KHDRBS1: variants seen among roughly 807,000 people sequenced by gnomAD.
The protein encoded by KHDRBS1 is KH RNA binding domain containing, signal transduction associated 1, also known as KH domain-containing, RNA-binding, signal transduction-associated protein 1.
KHDRBS1 carries 7 observed loss-of-function variants against 48.4 expected under a neutral mutation model. The ratio of observed to expected loss-of-function variants is 0.14; its 90% CI spans 0.08 to 0.27. KHDRBS1 has a LOEUF of 0.27. KHDRBS1 is among the 10% of genes least tolerant of loss of function. The probability of loss-of-function intolerance (pLI) is 1.00; values close to 1 mark genes in which losing one functional copy is unlikely to be tolerated. For synonymous variants in KHDRBS1, 241 were observed against 235.8 expected (o/e 1.02, Z -0.20); for missense variants, 458 against 601.2 (o/e 0.76, Z 2.49).
intron 6 of KHDRBS1, 108 bp downstream of exon 6, chr1:32,038,144 G>C: frequency 6.6e-7 from 1 of 1,505,160 alleles, no homozygotes; most frequent in East Asian, 2.4e-5. Context: ...CTGCCTGTAA[G>C]ATTTGCAATC....
At chr1:32,017,641 T>C (rs111729405) in intron 1 of KHDRBS1, among the ~76,000 whole-genome samples, 4,405 of 145,800 alleles carry the variant, frequency 0.03, 245 homozygotes, top group African/African-American at 0.11. Flanking sequence ...GAGTTGCACT[T>C]TTGTTGCCCA....
chr1:32,060,276 C>T (rs1157913857), exon 11 of KHDRBS1: 1 of 152,242 alleles, frequency 6.6e-6, no homozygotes, highest in African/African-American at 2.4e-5. Flanking sequence ...TTCTTTCACT[C>T]TACTTGATCT....
At chr1:32,015,402 A>T (rs945099614) in intron 1 of KHDRBS1, among the ~76,000 whole-genome samples, 2 of 152,148 alleles carry the variant, frequency 1.3e-5, no homozygotes, top group African/African-American at 4.8e-5. Flanking sequence ...CACATCCTTC[A>T]ACACTGAATG....
chr1:32,031,286 A>G (rs1237872369), intron 2 of KHDRBS1, among the ~76,000 whole-genome samples: 1 of 152,156 alleles, frequency 6.6e-6, no homozygotes, highest in African/African-American at 2.4e-5. Context: ...GTCTTAATGT[A>G]TTATGGAAGA....
intron 1 of KHDRBS1, among the ~76,000 whole-genome samples, chr1:32,024,917 A>T (rs1415329915): frequency 6.6e-6 from 1 of 151,040 alleles, no homozygotes; most frequent in African/African-American, 2.4e-5. Flanking sequence ...GTGAACTATG[A>T]TGGTGTCACT....
intron 8 of KHDRBS1, among the ~76,000 whole-genome samples, chr1:32,040,556 A>C (rs1218898174): frequency 6.6e-6 from 1 of 152,250 alleles, no homozygotes; most frequent in Non-Finnish European, 1.5e-5. Context: ...TGGAGGCTGC[A>C]ACAGCAGCAG....
chr1:32,057,011 A>G (rs771954724), intron 10 of KHDRBS1, among the ~76,000 whole-genome samples: 4 of 152,304 alleles, frequency 2.6e-5, no homozygotes, highest in South Asian at 2.1e-4. Context: ...ACAGGGTGCA[A>G]TGAGGGTATA....
downstream of KHDRBS1, among the ~76,000 whole-genome samples, chr1:32,047,459 A>G (rs1042765556): frequency 6.6e-6 from 1 of 152,182 alleles, no homozygotes; most frequent in South Asian, 2.1e-4. Flanking sequence ...GTACCCGGCC[A>G]GCCTGTGAAC....
intron 8 of KHDRBS1, among the ~76,000 whole-genome samples, chr1:32,041,767 T>A (rs1185050826): frequency 6.6e-6 from 1 of 152,002 alleles, no homozygotes; most frequent in Non-Finnish European, 1.5e-5. Context: ...TTTTTGTATT[T>A]TTAGTAGAGA....
chr1:32,020,227 T>G (rs1306098192), intron 1 of KHDRBS1, among the ~76,000 whole-genome samples: 1 of 150,816 alleles, frequency 6.6e-6, no homozygotes, highest in Non-Finnish European at 1.5e-5. Flanking sequence ...TACAGAAAAT[T>G]TAAAAATTAG....
chr1:32,057,626 C>T (rs1277906971), intron 10 of KHDRBS1, among the ~76,000 whole-genome samples: 4 of 150,644 alleles, frequency 2.7e-5, no homozygotes, highest in South Asian at 2.1e-4. Flanking sequence ...CAGTGAAACC[C>T]GTCTCTACTA....
chr1:32,019,876 G>C (rs952955650), intron 1 of KHDRBS1, among the ~76,000 whole-genome samples: 1 of 152,100 alleles, frequency 6.6e-6, no homozygotes, highest in Admixed American at 6.5e-5. Flanking sequence ...GTTTCAAGCA[G>C]TTCTCCTGCC....
rs1489868262 is a variant in KHDRBS1 at position 32,038,592 on chromosome 1, A to G, written c.1148A>G (p.Tyr383Cys). The stretch of plus-strand genomic sequence containing the variant: ...TACGCAGAACAAAGTTACGAAGGCT[A>G]CGAAGGCTATTACAGCCAGAGTCAA... ...DTYAEQSYEGYEGYYSQSQGD... is the reference protein window; with the variant it reads ...DTYAEQSYEGCEGYYSQSQGD... Residue 383 changes from tyrosine (Y) to cysteine (C), a missense_variant, in exon 7 of 9, where the codon TAC becomes TGC. This residue lies in a region of KHDRBS1 where 171 missense variants were observed against 228.7 expected (regional missense o/e 0.75). Transcript: ENST00000327300. 2 of 1,614,056 alleles carry G rather than the reference A, an allele frequency of 1.2e-6. No individual in the cohort carries two copies. Among genetic ancestry groups the G allele is most frequent in the South Asian group, 1.1e-5 (1 of 91,078 alleles).
At position 32,013,927 on chromosome 1, in the gene KHDRBS1, C is replaced by T; in HGVS notation, c.-69C>T. 1 of 1,338,982 alleles carries T rather than the reference C, an allele frequency of 7.5e-7. No homozygotes were observed. Among genetic ancestry groups the T allele is most frequent in the Non-Finnish European group, 9.6e-7 (1 of 1,044,826 alleles). The allele number at this position is 1,338,982 out of a possible 1,614,324, so 82.9% of individuals were successfully genotyped here. A position where few individuals can be genotyped will look rare whatever the true frequency, so the allele number is the denominator to read the frequency against. ...TACCGCTCCCGCTCTGCCACCCCCG[C>T]CAACCGCCGCTCGGGCCTCCGTCGC... On this transcript the variant is annotated 5_prime_UTR_variant, in exon 1 of 9. Coordinates refer to ENST00000327300, the MANE Select transcript of KHDRBS1 (RefSeq NM_006559.3).
At chr1:32,049,011 A>G (rs1299903896) in intron 10 of KHDRBS1, among the ~76,000 whole-genome samples, 6 of 151,552 alleles carry the variant, frequency 4.0e-5, no homozygotes, top group Non-Finnish European at 4.4e-5. Context: ...AAATTATACA[A>G]TAAGTGGTCT....
chr1:32,029,735 T>C (rs191674854), intron 1 of KHDRBS1, among the ~76,000 whole-genome samples: 5 of 152,326 alleles, frequency 3.3e-5, no homozygotes, highest in Admixed American at 2.0e-4. Flanking sequence ...ACGGTAACGA[T>C]ATATTAAGTA....
chr1:32,047,473 T>C (rs1271910336), downstream of KHDRBS1, among the ~76,000 whole-genome samples: 1 of 152,204 alleles, frequency 6.6e-6, no homozygotes, highest in African/African-American at 2.4e-5. Context: ...TGTGAACTTT[T>C]ATTACAATTC....
chr1:32,050,434 A>C (rs1266986260), intron 10 of KHDRBS1, among the ~76,000 whole-genome samples: 2 of 152,028 alleles, frequency 1.3e-5, no homozygotes, highest in South Asian at 4.2e-4. Flanking sequence ...GTAATAAACT[A>C]TTGTCTCATT....
In KHDRBS1 at chr1:32,014,258, C is replaced by T. The variant is rs1557886956; in HGVS notation, c.263C>T (p.Pro88Leu). Reference protein sequence around the residue: ...VGGPAPTPLLPPSATASVKME... With the variant: ...VGGPAPTPLLLPSATASVKME... ...GGGCCAGCGCCGACCCCGCTGCTGC[C>T]CCCCTCGGCCACAGCCTCGGTCAAG... The change falls in exon 1 of 9, where the codon CCC becomes CTC. Residue 88 changes from proline (P) to leucine (L), a missense_variant. Around this residue, in one of 3 missense-constraint regions of KHDRBS1, gnomAD observed 213 missense variants for 215.6 expected, o/e 0.99. Transcript: ENST00000327300. 2 of 1,540,958 alleles carry T rather than the reference C, an allele frequency of 1.3e-6. No homozygotes were observed. Among genetic ancestry groups the T allele is most frequent in the South Asian group, 1.2e-5 (1 of 82,776 alleles).
Sources: gnomAD v4.1 joint callset for allele counts (sites outside exome capture counted in the v4.1 genomes callset) on GRCh38, gnomAD v4.1.1 for gene constraint, gnomAD v4.1.1 regional missense constraint, MANE v1.5 for transcripts, NCBI Gene and HGNC (gene_info 2026-07-23, HGNC 2026-07-21) for gene names.